PROS1: variants seen among roughly 807,000 people sequenced by gnomAD.
The protein encoded by PROS1 is vitamin K-dependent protein S.
PROS1 carries 29 observed loss-of-function variants against 75.9 expected under a neutral mutation model. The observed-to-expected ratio is 0.38, with a 90% CI of 0.28 to 0.52. The LOEUF (loss-of-function observed/expected upper bound fraction) is 0.52, where lower values mean the gene tolerates loss of function less well. Ranked by LOEUF, PROS1 falls within the 20% of genes least tolerant of loss-of-function variation. The probability of loss-of-function intolerance (pLI) is 0.83; values close to 1 mark genes in which losing one functional copy is unlikely to be tolerated. For missense variants in PROS1, 680 were observed against 810.3 expected (o/e 0.84, Z 1.95); for synonymous variants, 245 against 280.6 (o/e 0.87, Z 1.27).
At chr3:93,930,671 T>A (rs929969504) in intron 1 of PROS1, among the ~76,000 whole-genome samples, 1 of 152,182 alleles carries the variant, frequency 6.6e-6, no homozygotes, top group East Asian at 1.9e-4. Context: ...AAGGTCTAAA[T>A]CACCCAGAAT....
chr3:93,939,319 C>A (rs1709241180), intron 1 of PROS1, among the ~76,000 whole-genome samples: 2 of 151,712 alleles, frequency 1.3e-5, no homozygotes, highest in African/African-American at 4.8e-5. Context: ...CATCCCAAAT[C>A]TTCCTTCTTT....
chr3:93,901,689 G>A (rs8178660), intron 6 of PROS1, among the ~76,000 whole-genome samples: 128 of 152,214 alleles, frequency 8.4e-4, no homozygotes, highest in South Asian at 6.2e-3. Context: ...CAGATTAATA[G>A]TCAAAATTTA....
chr3:93,894,880 A>T (rs1708478774), intron 9 of PROS1, among the ~76,000 whole-genome samples: 1 of 152,202 alleles, frequency 6.6e-6, no homozygotes, highest in South Asian at 2.1e-4. Flanking sequence ...GTTTAAAATA[A>T]ATAAATAATA....
chr3:93,931,529 A>G (rs981217081), intron 1 of PROS1, among the ~76,000 whole-genome samples: 1 of 152,200 alleles, frequency 6.6e-6, no homozygotes, highest in Admixed American at 6.5e-5. Context: ...ACTTTCCAAG[A>G]ATGTCACCAT....
At chr3:93,928,554 C>T (rs1199579647) in intron 1 of PROS1, 2 of 259,398 alleles carry the variant, frequency 7.7e-6, no homozygotes. Context: ...AAAAAAAAGC[C>T]ATACCATCTT....
chr3:93,914,338 G>A (rs1708807104), intron 3 of PROS1, among the ~76,000 whole-genome samples: 2 of 152,216 alleles, frequency 1.3e-5, no homozygotes, highest in Non-Finnish European at 2.9e-5. Flanking sequence ...TGACCCCACA[G>A]CTCTTGCATT....
chr3:93,886,310 T>C (rs1576176707), intron 11 of PROS1, 26 bp downstream of exon 11: 3 of 1,604,206 alleles, frequency 1.9e-6, no homozygotes, highest in African/African-American at 2.7e-5. Context: ...TCATCCATGA[T>C]GAATGATACA....
intron 12 of PROS1, among the ~76,000 whole-genome samples, chr3:93,881,556 C>CG (rs746259906): frequency 1.7e-5 from 2 of 118,454 alleles, no homozygotes; most frequent in East Asian, 4.9e-4. Flanking sequence ...GTAGTAAGCA[C>CG]TTTTTTTTTT....
At position 93,892,952 on chromosome 3, in the gene PROS1, TTAA is replaced by T; in HGVS notation, c.1133_1135del (p.Ile378del). 2 of 1,612,098 alleles carry T rather than the reference TTAA, an allele frequency of 1.2e-6. No homozygotes were observed. Among genetic ancestry groups the T allele is most frequent in the South Asian group, 1.1e-5 (1 of 90,998 alleles). Reference sequence around the variant, plus strand: ...ACGTACCATATTCCATAGACCATTATTAATAACATCACCTCCAGTTGTGATTTT... The same window carrying T: ...ACGTACCATATTCCATAGACCATTATTAACATCACCTCCAGTTGTGATTTT... On this transcript the variant is annotated inframe_deletion, in exon 10 of 15. Transcript: ENST00000394236.
At chr3:93,880,725 G>A (rs889272063) in intron 12 of PROS1, among the ~76,000 whole-genome samples, 6 of 151,974 alleles carry the variant, frequency 3.9e-5, no homozygotes, top group Admixed American at 2.6e-4. Flanking sequence ...ATGAACACAC[G>A]AATGTATAGA....
At chr3:93,950,084 C>A (rs2107241180) in intron 1 of PROS1, among the ~76,000 whole-genome samples, 1 of 152,292 alleles carries the variant, frequency 6.6e-6, no homozygotes, top group East Asian at 1.9e-4. Flanking sequence ...TTGCTCACTG[C>A]TAGCACAGCA....
intron 3 of PROS1, 84 bp downstream of exon 3, chr3:93,924,156 A>G: frequency 1.3e-5 from 12 of 900,780 alleles, no homozygotes; most frequent in African/African-American, 1.7e-5. Flanking sequence ...ATTGGATGGA[A>G]TAGATAGGTG....
In PROS1 at chr3:93,874,522, G is replaced by A. The variant is rs1437405161; in HGVS notation, c.1871-117C>T. On this transcript the variant is annotated intron_variant, in intron 14 of 14. Transcript: ENST00000394236. ...ACCAAATTCTAATCCTAAAGGAAAA[G>A]TTAATAGTGAAATTCTATTCCATAA... The A allele has an allele frequency of 3.7e-6, 5 of 1,361,960 alleles. 1 individual carries two copies. The Admixed American group carries it at 8.9e-5, about 24-fold the overall frequency. 84.4% of individuals were successfully genotyped at this position (1,361,960 alleles called of 1,614,324 possible). A position where few individuals can be genotyped will look rare whatever the true frequency, so the allele number is the denominator to read the frequency against.
intron 1 of PROS1, among the ~76,000 whole-genome samples, chr3:93,964,795 G>A (rs763016486): frequency 1.4e-4 from 22 of 152,046 alleles, no homozygotes; most frequent in East Asian, 1.9e-4. Flanking sequence ...GATACGTGGC[G>A]TCACCCCCGG....
intron 1 of PROS1, among the ~76,000 whole-genome samples, chr3:93,958,164 A>G (rs1343879767): frequency 6.6e-6 from 1 of 152,136 alleles, no homozygotes; most frequent in Admixed American, 6.5e-5. Flanking sequence ...TATTATTTTT[A>G]CTTATATGTT....
chr3:93,927,289 T>G lies in PROS1; in HGVS notation c.195A>C (p.Lys65Asn). Residue 65 changes from lysine to asparagine, a missense_variant, in exon 2 of 15, where the codon AAA (lysine) becomes AAC (asparagine). Lys to Asn is a moderately conservative substitution (Grantham distance 94). Transcript: ENST00000394236. The stretch of plus-strand genomic sequence containing the variant: ...TTTCAAAGACCTCCCTGGCTTCTTC[T>G]TTATTGCACAGTTCTTCGATGCATT... ...ERECIEELCN[K>N]EEAREVFEND... 6.2e-7 allele frequency: 1 copy of G among 1,613,124 alleles called. No homozygotes were observed. The highest frequency in any genetic ancestry group is 1.3e-5 in the African/African-American group (1 of 75,022).
chr3:93,962,254 C>T (rs147257846), intron 1 of PROS1, among the ~76,000 whole-genome samples: 16 of 152,032 alleles, frequency 1.1e-4, no homozygotes, highest in East Asian at 7.8e-4. Flanking sequence ...AGAGATCTCA[C>T]GAGATTGAGA....
chr3:93,876,703 G>T (rs1708194781), intron 14 of PROS1, among the ~76,000 whole-genome samples: 2 of 149,798 alleles, frequency 1.3e-5, no homozygotes, highest in South Asian at 4.3e-4. Flanking sequence ...CTATTGTGAT[G>T]ATGAAATAAA....
Position 93,929,567 on chromosome 3 carries a change from G to C in PROS1, c.77-2160C>G, listed in dbSNP as rs537360531. On this transcript the variant is annotated intron_variant, in intron 1 of 14. Coordinates refer to ENST00000394236, the MANE Select transcript of PROS1 (RefSeq NM_000313.4). Reference sequence around the variant, plus strand: ...CAGTTGCTAAAAGGAAGATACTCTTGTACTGGAGATCTCAAAGATACAGTA... The same window carrying C: ...CAGTTGCTAAAAGGAAGATACTCTTCTACTGGAGATCTCAAAGATACAGTA... Among the ~76,000 whole-genome samples, 3 of 152,294 alleles carry C rather than the reference G, an allele frequency of 2.0e-5. No homozygotes were observed. The East Asian group carries it at 5.8e-4, about 29-fold the overall frequency.
Sources: gnomAD v4.1 joint callset for allele counts (sites outside exome capture counted in the v4.1 genomes callset) on GRCh38, gnomAD v4.1.1 for gene constraint, MANE v1.5 for transcripts, NCBI Gene and HGNC (gene_info 2026-07-23, HGNC 2026-07-21) for gene names.